The following USP14 variants were observed in gnomAD, a reference collection of about 807,000 sequenced individuals.
The protein encoded by USP14 is ubiquitin specific peptidase 14.
USP14 carries 38 observed loss-of-function variants against 76.5 expected under a neutral mutation model. The ratio of observed to expected loss-of-function variants is 0.50; its 90% CI spans 0.38 to 0.65. The LOEUF is 0.65. Ranked by LOEUF, USP14 falls within the 30% of genes least tolerant of loss-of-function variation. USP14 has a pLI of 0.00. For missense variants in USP14, 467 were observed against 586.5 expected (o/e 0.80, Z 2.10); for synonymous variants, 192 against 191.7 (o/e 1.00, Z -0.01).
intron 4 of USP14, 96 bp downstream of exon 4, chr18:179,133 C>T (rs950390263): frequency 1.3e-6 from 1 of 785,574 alleles, no homozygotes; most frequent in Non-Finnish European, 2.0e-6. Context: ...GTCTTGAAGA[C>T]TTAATCATTA....
intron 5 of USP14, among the ~76,000 whole-genome samples, chr18:185,549 C>G (rs1467208324): frequency 6.6e-6 from 1 of 152,042 alleles, no homozygotes; most frequent in Non-Finnish European, 1.5e-5. Context: ...TCGGAGAGAA[C>G]AGAAAAGCCC....
At chr18:173,208 C>T (rs1355365694) in intron 3 of USP14, among the ~76,000 whole-genome samples, 3 of 150,766 alleles carry the variant, frequency 2.0e-5, no homozygotes, top group Non-Finnish European at 3.0e-5. Flanking sequence ...TCCTGGTTCA[C>T]GCCATTCTCC....
chr18:206,900 C>G (rs1246333022), intron 13 of USP14, among the ~76,000 whole-genome samples: 2 of 152,152 alleles, frequency 1.3e-5, no homozygotes, highest in Non-Finnish European at 2.9e-5. Context: ...AGTCCATGCC[C>G]TCAGAGATTT....
intron 11 of USP14, 53 bp downstream of exon 11, chr18:202,998 A>C: frequency 6.2e-7 from 1 of 1,606,140 alleles, no homozygotes; most frequent in Admixed American, 1.7e-5. Flanking sequence ...AAATATTTCC[A>C]GTTAATTAAT....
intron 1 of USP14, among the ~76,000 whole-genome samples, chr18:162,280 T>G (rs1435409246): frequency 6.6e-6 from 1 of 152,224 alleles, no homozygotes; most frequent in Non-Finnish European, 1.5e-5. Context: ...CTGGATCATA[T>G]GGTAATTCTA....
chr18:208,110 AT>A (rs1598280816), intron 13 of USP14, among the ~76,000 whole-genome samples: 1 of 149,628 alleles, frequency 6.7e-6, no homozygotes, highest in Non-Finnish European at 1.5e-5. Flanking sequence ...ATTTTTATTT[AT>A]TTTTTTTCTA....
intron 3 of USP14, among the ~76,000 whole-genome samples, chr18:167,021 G>T (rs1300275659): frequency 6.6e-6 from 1 of 151,884 alleles, no homozygotes; most frequent in Non-Finnish European, 1.5e-5. Flanking sequence ...TTGTTTCATT[G>T]ATCTAGTAGA....
chr18:208,678 T>C lies in USP14; in HGVS notation c.1165-1293T>C, dbSNP rs551131207. Among the ~76,000 whole-genome samples, 22 of 152,322 alleles carry C rather than the reference T, an allele frequency of 1.4e-4. No homozygotes were observed. The South Asian group carries it at 4.3e-3, about 30-fold the overall frequency. ...AAGGGTCTAAGTAATTTTCCTGTTA[T>C]GTTTCTGTTGATTCTAGTTTGATGC... is the stretch of plus-strand genomic sequence containing the variant. On this transcript the variant is annotated intron_variant, in intron 13 of 15. Coordinates refer to ENST00000261601, the MANE Select transcript of USP14 (RefSeq NM_005151.4).
At position 166,774 on chromosome 18, in the gene USP14, G is replaced by A; in HGVS notation, c.163-13G>A. ...AGTGGTGGTTAAATGTCTTTTGTTT[G>A]TCTTTGAAACAGGATGATGATTGGG... On this transcript the variant is annotated splice_polypyrimidine_tract_variant and intron_variant, in intron 2 of 15. Coordinates refer to ENST00000261601, the MANE Select transcript of USP14 (RefSeq NM_005151.4). 6.2e-7 allele frequency: 1 copy of A among 1,610,596 alleles called. No homozygotes were observed. The highest frequency in any genetic ancestry group is 8.5e-7 in the Non-Finnish European group (1 of 1,177,552).
intron 6 of USP14, 153 bp from the exon 7 acceptor site, chr18:196,484 A>ACT: frequency 1.4e-6 from 1 of 690,480 alleles, no homozygotes; most frequent in East Asian, 3.5e-5. Context: ...AGATCGCGCC[A>ACT]CTGCACTCCA....
chr18:197,986 G>A, intron 8 of USP14, 61 bp from the exon 9 acceptor site: 1 of 1,421,204 alleles, frequency 7.0e-7, no homozygotes, highest in Non-Finnish European at 9.6e-7. Flanking sequence ...ACTGGATTGT[G>A]TGGAAGAAAA....
intron 1 of USP14, among the ~76,000 whole-genome samples, chr18:162,038 C>T (rs898238324): frequency 6.6e-6 from 1 of 152,116 alleles, no homozygotes; most frequent in Non-Finnish European, 1.5e-5. Context: ...CTCATATAAC[C>T]AGAATCATCC....
intron 3 of USP14, among the ~76,000 whole-genome samples, chr18:175,322 A>G (rs1909597426): frequency 1.3e-5 from 2 of 152,038 alleles, no homozygotes; most frequent in South Asian, 4.2e-4. Flanking sequence ...GAAGTGGTTG[A>G]TAGTGGACAT....
intron 6 of USP14, 35 bp downstream of exon 6, chr18:192,935 G>GTTC (rs1321957075): frequency 6.4e-7 from 1 of 1,552,052 alleles, no homozygotes; most frequent in Non-Finnish European, 8.8e-7. Context: ...TTTGATAGGA[G>GTTC]TAAGACATTC....
rs11221 is a variant in USP14, at chr18:211,865, G to A, written c.*581G>A. The A allele has an allele frequency of 0.034, 5,116 of 152,530 alleles. 115 individuals are homozygous for A. The highest frequency in any genetic ancestry group is 0.057 in the Admixed American group (873 of 15,274). The allele number at this position is 152,530 out of a possible 1,614,324, so 9.4% of individuals were successfully genotyped here. On this transcript the variant is annotated 3_prime_UTR_variant, in exon 16 of 16. Transcript: ENST00000261601. ...TTTTCCTGACTTTAAAATAAATTGTGATCAATAATAGTACCTTTGATTATA... is the reference window on the plus strand; with the variant it reads ...TTTTCCTGACTTTAAAATAAATTGTAATCAATAATAGTACCTTTGATTATA...
intron 3 of USP14, among the ~76,000 whole-genome samples, chr18:171,481 T>C (rs1039005976): frequency 1.3e-5 from 2 of 152,182 alleles, no homozygotes; most frequent in African/African-American, 2.4e-5. Flanking sequence ...TACGTCTGTT[T>C]ATAGTATGGA....
chr18:203,535 AGG>A (rs1910442344), intron 12 of USP14, among the ~76,000 whole-genome samples: 1 of 152,088 alleles, frequency 6.6e-6, no homozygotes, highest in Non-Finnish European at 1.5e-5. Flanking sequence ...CCTCAGCTTC[AGG>A]GATACTGATT....
chr18:203,200 GAACT>G lies in USP14; in HGVS notation c.1035+11_1035+14del. The G allele has an allele frequency of 6.2e-7, 1 of 1,601,934 alleles. No homozygotes were observed. Among genetic ancestry groups the G allele is most frequent in the Non-Finnish European group, 8.5e-7 (1 of 1,173,010 alleles). ...TGCCAAAGTTCTTAAGGTTAGTAAT[GAACT>G]TTACTTTGTATAAGAAATGTAATTC... On this transcript the variant is annotated intron_variant, in intron 12 of 15. Coordinates refer to ENST00000261601, the MANE Select transcript of USP14 (RefSeq NM_005151.4).
Position 211,127 on chromosome 18 carries a change from A to G in USP14, c.1334-6A>G, listed in dbSNP as rs187082914. ...ATTAATTCATCTTCTTGTCCCTGTT[A>G]TTTAGATGAATGGATTAAGTTTGAT... On this transcript the variant is annotated splice_region_variant and splice_polypyrimidine_tract_variant and intron_variant, in intron 15 of 15. Coordinates refer to ENST00000261601, the MANE Select transcript of USP14 (RefSeq NM_005151.4). 6.7e-5 allele frequency: 108 copies of G among 1,609,044 alleles called. 1 individual carries two copies. Among genetic ancestry groups the G allele is most frequent in the Middle Eastern group, 1.7e-4 (1 of 6,026 alleles).
Sources: allele counts gnomAD v4.1 joint callset (sites outside exome capture counted in the v4.1 genomes callset), GRCh38; gene constraint gnomAD v4.1.1; transcripts MANE v1.5; gene names NCBI Gene and HGNC (gene_info 2026-07-23, HGNC 2026-07-21).